The following SWAP70 variants were observed in gnomAD, a reference collection of about 807,000 sequenced individuals.
The protein encoded by SWAP70 is switch-associated protein 70.
SWAP70 carries 34 observed loss-of-function variants against 80.2 expected under a neutral mutation model. The ratio of observed to expected loss-of-function variants is 0.42; its 90% confidence interval spans 0.32 to 0.56. The LOEUF (loss-of-function observed/expected upper bound fraction) is 0.56, where lower values mean the gene tolerates loss of function less well. Among genes scored for constraint, SWAP70 ranks in the 20% least tolerant of loss-of-function variants. SWAP70 has a pLI of 0.09. For synonymous variants in SWAP70, 239 were observed against 238.5 expected, an observed-to-expected ratio of 1.00 and a Z score of -0.02; for missense variants, 578 against 690.7, an observed-to-expected ratio of 0.84 and a Z score of 1.83.
chr11:9,695,534 A>G (rs1392180539), intron 2 of SWAP70, among the ~76,000 whole-genome samples: 1 of 150,180 alleles, frequency 6.7e-6, no homozygotes, highest in Non-Finnish European at 1.5e-5. Context: ...AAAACCAGAC[A>G]CCACGTGTTC....
chr11:9,700,238 T>C (rs549136442), intron 2 of SWAP70, among the ~76,000 whole-genome samples: 3 of 152,304 alleles, frequency 2.0e-5, no homozygotes, highest in African/African-American at 7.2e-5. Context: ...GAGAAACTTA[T>C]TCACGGAGGG....
At chr11:9,736,716 T>TGTTG (rs1388379578) in intron 7 of SWAP70, among the ~76,000 whole-genome samples, 1 of 152,176 alleles carries the variant, frequency 6.6e-6, no homozygotes, top group Admixed American at 6.5e-5. Context: ...TTTCCACCTC[T>TGTTG]GTTGGTACCA....
chr11:9,692,715 G>A (rs1295966848), intron 1 of SWAP70, among the ~76,000 whole-genome samples: 1 of 151,914 alleles, frequency 6.6e-6, no homozygotes, highest in Non-Finnish European at 1.5e-5. Flanking sequence ...TTGATCTTTA[G>A]TATATAGGAT....
At chr11:9,671,778 A>C (rs377379836) in intron 1 of SWAP70, among the ~76,000 whole-genome samples, 1 of 12,098 alleles carries the variant, frequency 8.3e-5, no homozygotes, top group Non-Finnish European at 6.9e-4. Context: ...TATAAATATA[A>C]TATATTATTA....
At chr11:9,664,675 A>G (rs935126345) in intron 1 of SWAP70, among the ~76,000 whole-genome samples, 9 of 152,274 alleles carry the variant, frequency 5.9e-5, no homozygotes, top group Non-Finnish European at 1.2e-4. Flanking sequence ...ACTCCAGGAG[A>G]GGAAGGGACT....
At chr11:9,700,361 G>T (rs1178347967) in intron 2 of SWAP70, among the ~76,000 whole-genome samples, 1 of 152,096 alleles carries the variant, frequency 6.6e-6, no homozygotes, top group African/African-American at 2.4e-5. Context: ...CATGGTTTGA[G>T]TTTAAATTGA....
intron 1 of SWAP70, among the ~76,000 whole-genome samples, chr11:9,667,951 C>T (rs761873543): frequency 1.3e-5 from 2 of 152,234 alleles, no homozygotes; most frequent in East Asian, 1.9e-4. Context: ...TGCAGTGGTG[C>T]GATCTTGGCT....
At chr11:9,671,074 C>T (rs1313026844) in intron 1 of SWAP70, among the ~76,000 whole-genome samples, 2 of 133,812 alleles carry the variant, frequency 1.5e-5, no homozygotes, top group African/African-American at 2.8e-5. Flanking sequence ...TTTATATATA[C>T]AAATATAAAT....
At chr11:9,682,217 C>G (rs1157999084) in intron 1 of SWAP70, among the ~76,000 whole-genome samples, 3 of 152,194 alleles carry the variant, frequency 2.0e-5, no homozygotes, top group African/African-American at 7.2e-5. Flanking sequence ...CTCACACTCT[C>G]TGCTTGGTTA....
At chr11:9,680,745 G>A (rs1259349377) in intron 1 of SWAP70, among the ~76,000 whole-genome samples, 2 of 152,030 alleles carry the variant, frequency 1.3e-5, no homozygotes, top group Non-Finnish European at 2.9e-5. Flanking sequence ...TTTGGATATA[G>A]TATTTAAGTT....
At chr11:9,709,224 A>C (rs1170747910) in intron 2 of SWAP70, among the ~76,000 whole-genome samples, 1 of 152,116 alleles carries the variant, frequency 6.6e-6, no homozygotes, top group Non-Finnish European at 1.5e-5. Flanking sequence ...TCCCAGGCTC[A>C]AGTGATCCTC....
chr11:9,692,773 G>A (rs1480236722), intron 1 of SWAP70, among the ~76,000 whole-genome samples: 1 of 152,038 alleles, frequency 6.6e-6, no homozygotes, highest in Non-Finnish European at 1.5e-5. Flanking sequence ...TTTGCTGATT[G>A]TGGTGCAGGA....
At chr11:9,695,355 G>T (rs1402802582) in intron 2 of SWAP70, among the ~76,000 whole-genome samples, 1 of 151,544 alleles carries the variant, frequency 6.6e-6, no homozygotes, top group Non-Finnish European at 1.5e-5. Flanking sequence ...CAATAGCAAA[G>T]ACATGGAACC....
intron 9 of SWAP70, among the ~76,000 whole-genome samples, chr11:9,746,704 T>C (rs1186268943): frequency 2.0e-5 from 3 of 152,244 alleles, no homozygotes; most frequent in African/African-American, 7.2e-5. Flanking sequence ...AGGGAGTAGA[T>C]ACTTCCTTTG....
intron 10 of SWAP70, 29 bp from the exon 11 acceptor site, chr11:9,749,058 G>T: frequency 6.6e-7 from 1 of 1,504,474 alleles, no homozygotes; most frequent in Middle Eastern, 1.7e-4. Flanking sequence ...CCGTGTGTCT[G>T]CATAGTCCAA....
At chr11:9,706,314 G>C (rs1158182470) in intron 2 of SWAP70, among the ~76,000 whole-genome samples, 1 of 147,018 alleles carries the variant, frequency 6.8e-6, no homozygotes. Context: ...CTGGTGATCT[G>C]TATACACTGG....
At chr11:9,677,104 A>G (rs1850511790) in intron 1 of SWAP70, among the ~76,000 whole-genome samples, 1 of 151,940 alleles carries the variant, frequency 6.6e-6, no homozygotes, top group Non-Finnish European at 1.5e-5. Flanking sequence ...TCTAATAATA[A>G]TAAACCTTAT....
intron 4 of SWAP70, among the ~76,000 whole-genome samples, chr11:9,726,315 C>A (rs1278091621): frequency 6.6e-6 from 1 of 152,140 alleles, no homozygotes; most frequent in Non-Finnish European, 1.5e-5. Context: ...AAACTTCTTA[C>A]ATTATTATAT....
At chr11:9,670,746 T>A (rs1850365617) in intron 1 of SWAP70, among the ~76,000 whole-genome samples, 4 of 151,960 alleles carry the variant, frequency 2.6e-5, no homozygotes. Flanking sequence ...TATTATTATT[T>A]TTATTTTCAT....
Sources: gnomAD v4.1 joint callset for allele counts (sites outside exome capture counted in the v4.1 genomes callset) on GRCh38, gnomAD v4.1.1 for gene constraint, MANE v1.5 for transcripts, NCBI Gene and HGNC (gene_info 2026-07-23, HGNC 2026-07-21) for gene names.